Variants in MAMDC2 observed in about 807,000 individuals in gnomAD.
MAMDC2 encodes MAM domain containing 2.
Under a neutral mutation model 89.8 loss-of-function variants are expected in MAMDC2, and 57 were observed. The observed-to-expected ratio is 0.63, with a 90% CI of 0.51 to 0.79. The LOEUF is 0.79. Ranked by LOEUF, MAMDC2 falls within the 30% of genes least tolerant of loss-of-function variation. MAMDC2 has a pLI of 0.00. For missense variants in MAMDC2, 800 were observed against 820.6 expected, an observed-to-expected ratio of 0.97 and a Z score of 0.31; for synonymous variants, 313 against 293.4, an observed-to-expected ratio of 1.07 and a Z score of -0.68.
At position 70,126,388 on chromosome 9, in the gene MAMDC2, C is replaced by T. The variant is rs778304379; in HGVS notation, c.873C>T (p.Val291=). ...ATGCTGCCTGGAACCTTGCGGAGGT[C>T]GAGTTCAGTGCTCCTTACCCCATGG... ...PGNAAWNLAE[V]EFSAPYPMEV... Residue 291 remains valine, a synonymous_variant, in exon 6 of 14, where the codon GTC becomes GTT. Transcript: ENST00000377182. 1.4e-5 allele frequency: 22 copies of T among 1,613,676 alleles called. No individual in the cohort carries two copies. Among genetic ancestry groups the T allele is most frequent in the African/African-American group, 9.3e-5 (7 of 74,900 alleles).
At chr9:70,124,487 G>A (rs1488304294) in intron 5 of MAMDC2, among the ~76,000 whole-genome samples, 2 of 152,160 alleles carry the variant, frequency 1.3e-5, no homozygotes, top group Non-Finnish European at 2.9e-5. Flanking sequence ...GCCACCAGGA[G>A]AAAGTGAGCT....
intron 2 of MAMDC2, among the ~76,000 whole-genome samples, chr9:70,104,676 G>T (rs1249665158): frequency 6.6e-6 from 1 of 152,148 alleles, no homozygotes; most frequent in Non-Finnish European, 1.5e-5. Context: ...GGTGAAAGAA[G>T]CTAGTCACAA....
At chr9:70,221,380 T>TATATATATATAGAGAGAGAGAGAG in intron 12 of MAMDC2, among the ~76,000 whole-genome samples, 3 of 7,040 alleles carry the variant, frequency 4.3e-4, no homozygotes, top group Non-Finnish European at 7.8e-4. Context: ...TATATATATA[T>TATATATATATAGAGAGAGAGAGAG]AGAGAGAGAG....
intron 2 of MAMDC2, among the ~76,000 whole-genome samples, chr9:70,045,006 C>T (rs1475171233): frequency 6.6e-6 from 1 of 151,054 alleles, no homozygotes; most frequent in African/African-American, 2.5e-5. Flanking sequence ...CTGTGGGCCT[C>T]TGCAGGCACA....
intron 2 of MAMDC2, among the ~76,000 whole-genome samples, chr9:70,093,461 G>A (rs1159566050): frequency 7.1e-6 from 1 of 140,570 alleles, no homozygotes; most frequent in African/African-American, 2.7e-5. Context: ...GCCTTGCTCT[G>A]TTGCCCAGGC....
At chr9:70,208,670 G>T (rs2033282903) in intron 11 of MAMDC2, among the ~76,000 whole-genome samples, 1 of 152,162 alleles carries the variant, frequency 6.6e-6, no homozygotes, top group Admixed American at 6.5e-5. Context: ...CCAACACTAT[G>T]CTGAATAGGA....
intron 6 of MAMDC2, among the ~76,000 whole-genome samples, chr9:70,128,873 T>C (rs990081685): frequency 9.9e-5 from 15 of 152,120 alleles, no homozygotes; most frequent in Non-Finnish European, 1.6e-4. Flanking sequence ...CCCAGGCTGG[T>C]CTCAAACTCC....
At chr9:70,063,741 T>G (rs1387245499) in intron 2 of MAMDC2, among the ~76,000 whole-genome samples, 1 of 152,234 alleles carries the variant, frequency 6.6e-6, no homozygotes, top group Non-Finnish European at 1.5e-5. Flanking sequence ...CACTTTATTC[T>G]AATTATTTAT....
At chr9:70,186,807 G>A (rs1257996974) in intron 11 of MAMDC2, among the ~76,000 whole-genome samples, 1 of 152,218 alleles carries the variant, frequency 6.6e-6, no homozygotes, top group Non-Finnish European at 1.5e-5. Context: ...CGCAGAGCAG[G>A]CATGTCAACA....
rs148048416 is a variant in MAMDC2, at chr9:70,123,870, G to A, written c.644-2289G>A. On this transcript the variant is annotated intron_variant, in intron 5 of 13. Coordinates refer to ENST00000377182, the MANE Select transcript of MAMDC2 (RefSeq NM_153267.5). ...GCCCAGAACAAATCCTTCCCTCACG[G>A]CCCTGAGAAGGAACAATCCCTGCTG... Among the ~76,000 whole-genome samples the A allele has an allele frequency of 1.1e-3, 164 of 152,260 alleles. 1 individual carries two copies. Among genetic ancestry groups the A allele is most frequent in the Middle Eastern group, 3.4e-3 (1 of 294 alleles).
intron 11 of MAMDC2, among the ~76,000 whole-genome samples, chr9:70,207,437 G>C (rs12352944): frequency 4.6e-5 from 7 of 152,134 alleles, no homozygotes; most frequent in African/African-American, 1.7e-4. Context: ...CTTTTGAGAA[G>C]TGTCCGTTCA....
At chr9:70,167,649 G>A (rs933288728) in intron 9 of MAMDC2, among the ~76,000 whole-genome samples, 3 of 152,206 alleles carry the variant, frequency 2.0e-5, no homozygotes, top group African/African-American at 7.2e-5. Context: ...TAATACAAAT[G>A]TTTTTAAAAG....
chr9:70,180,595 T>A (rs1285502046), intron 11 of MAMDC2, among the ~76,000 whole-genome samples: 2 of 152,238 alleles, frequency 1.3e-5, no homozygotes, highest in Non-Finnish European at 2.9e-5. Context: ...TGTTTTTGAT[T>A]TGCATTTCTC....
At position 70,209,043 on chromosome 9, in the gene MAMDC2, T is replaced by C. The variant is rs7855209; in HGVS notation, c.1652-9294T>C. Among the ~76,000 whole-genome samples, 577 of 152,338 alleles carry C rather than the reference T, an allele frequency of 3.8e-3. 2 individuals carry two copies. The highest frequency in any genetic ancestry group is 0.013 in the African/African-American group (548 of 41,580). On this transcript the variant is annotated intron_variant, in intron 11 of 13. Coordinates refer to ENST00000377182, the MANE Select transcript of MAMDC2 (RefSeq NM_153267.5). ...CTGGATTCGGTTTGCCAGTATTTTA[T>C]TGAGGATTTTTGCGTCGATGTTCAT...
chr9:70,200,245 G>C (rs1724040440), intron 11 of MAMDC2, among the ~76,000 whole-genome samples: 1 of 151,448 alleles, frequency 6.6e-6, no homozygotes, highest in African/African-American at 2.4e-5. Context: ...GTAAGGAAGG[G>C]ATCCAGTTTC....
Position 70,108,317 on chromosome 9 carries a change from C to G in MAMDC2, c.255C>G (p.Tyr85Ter), listed in dbSNP as rs1828399339. ...AEEWSCLRLV[Y>*]QITTSSESLS... is the part of the protein sequence containing the mutation. ...AATGGAGCTGCCTCCGTTTGGTCTA[C>G]CAGATAACCACATCTTCGGAGTCTC... Residue 85 changes from tyrosine to a stop codon, truncating the protein, a stop_gained, in exon 3 of 14, where the codon TAC becomes TAG. Coordinates refer to ENST00000377182, the MANE Select transcript of MAMDC2 (RefSeq NM_153267.5). LOFTEE classifies it high-confidence loss of function. 2 of 1,614,000 alleles carry G rather than the reference C, an allele frequency of 1.2e-6. No individual in the cohort carries two copies. The highest frequency in any genetic ancestry group is 1.3e-5 in the African/African-American group (1 of 74,938).
chr9:70,217,941 T>C (rs758514680), intron 11 of MAMDC2, among the ~76,000 whole-genome samples: 2 of 152,192 alleles, frequency 1.3e-5, no homozygotes, highest in Non-Finnish European at 2.9e-5. Flanking sequence ...ACAAATATTA[T>C]AGTCAAGACT....
chr9:70,048,372 T>C (rs2117966765), intron 2 of MAMDC2, among the ~76,000 whole-genome samples: 1 of 152,304 alleles, frequency 6.6e-6, no homozygotes, highest in Non-Finnish European at 1.5e-5. Context: ...CCTCTCGGGT[T>C]CAAGTGATTC....
intron 11 of MAMDC2, among the ~76,000 whole-genome samples, chr9:70,198,061 AT>A (rs767883286): frequency 1.1e-4 from 16 of 148,136 alleles, no homozygotes; most frequent in South Asian, 6.3e-4. Flanking sequence ...TAATTGTTCT[AT>A]TTTTTTATTA....
Sources: gnomAD v4.1 joint callset for allele counts (sites outside exome capture counted in the v4.1 genomes callset) on GRCh38, gnomAD v4.1.1 for gene constraint, MANE v1.5 for transcripts, NCBI Gene and HGNC (gene_info 2026-07-23, HGNC 2026-07-21) for gene names.